Variants in GRIN2A observed in about 807,000 individuals in gnomAD.
GRIN2A encodes the protein glutamate ionotropic receptor NMDA type subunit 2A, also known as glutamate receptor ionotropic, NMDA 2A.
A neutral mutation model predicts 113.4 loss-of-function variants in GRIN2A; 22 were observed. The ratio of observed to expected loss-of-function variants is 0.19; its 90% CI spans 0.14 to 0.28. The LOEUF (loss-of-function observed/expected upper bound fraction) is 0.28, where lower values mean the gene tolerates loss of function less well. Among genes scored for constraint, GRIN2A ranks in the 10% least tolerant of loss-of-function variants. The pLI is 1.00. For synonymous variants in GRIN2A, 827 were observed against 738.4 expected (o/e 1.12, Z -1.94); for missense variants, 1,502 against 1,887.0 (o/e 0.80, Z 3.78).
At chr16:9,970,964 GA>G (rs1208304579) in intron 2 of GRIN2A, 1 of 152,332 alleles carries the variant, frequency 6.6e-6, no homozygotes, top group Non-Finnish European at 1.5e-5. Flanking sequence ...CCTTTCTGGA[GA>G]AGACAAAGAG....
At chr16:9,866,387 T>C (rs2043160742) in intron 4 of GRIN2A, among the ~76,000 whole-genome samples, 1 of 152,030 alleles carries the variant, frequency 6.6e-6, no homozygotes, top group Non-Finnish European at 1.5e-5. Context: ...GAAGCTGAGT[T>C]TTAATGACAT....
chr16:10,030,858 T>A (rs2141924212), intron 2 of GRIN2A, among the ~76,000 whole-genome samples: 1 of 152,324 alleles, frequency 6.6e-6, no homozygotes, highest in South Asian at 2.1e-4. Context: ...AAAATTGCTG[T>A]CAAAGTGCCC....
At chr16:10,119,910 G>A (rs1373599303) in intron 2 of GRIN2A, among the ~76,000 whole-genome samples, 2 of 152,166 alleles carry the variant, frequency 1.3e-5, no homozygotes. Context: ...CAAAGTACAT[G>A]AGTTCATTCT....
At chr16:9,992,530 G>T (rs2046138620) in intron 2 of GRIN2A, among the ~76,000 whole-genome samples, 1 of 152,214 alleles carries the variant, frequency 6.6e-6, no homozygotes, top group Non-Finnish European at 1.5e-5. Context: ...GGTGTCCGTG[G>T]TGAAAATAAC....
intron 2 of GRIN2A, among the ~76,000 whole-genome samples, chr16:10,165,759 GGAGGGGAGAGGA>G: frequency 2.3e-5 from 1 of 43,882 alleles, no homozygotes; most frequent in Non-Finnish European, 4.6e-5. Flanking sequence ...AGAAAGGAGG[GGAGGGGAGAGGA>G]GAAGAGAAGA....
In GRIN2A at chr16:10,018,476, G is replaced by A. The variant is rs1260490008; in HGVS notation, c.415-79925C>T. Among the ~76,000 whole-genome samples, 6 of 152,178 alleles carry A rather than the reference G, an allele frequency of 3.9e-5. No homozygotes were observed. The South Asian group carries it at 6.2e-4, about 16-fold the overall frequency. ...CGTGAAAGGGGAGTCCAGCAGCTGC[G>A]TGCTAAGGGGGTGTGGCTCTCAGCT... On this transcript the variant is annotated intron_variant, in intron 2 of 12. Coordinates refer to ENST00000330684, the MANE Select transcript of GRIN2A (RefSeq NM_001134407.3).
rs34897635 is a variant in GRIN2A, at chr16:9,984,229, A to ATT, written c.415-45680_415-45679dup. On this transcript the variant is annotated intron_variant, in intron 2 of 12. Coordinates refer to ENST00000330684, the MANE Select transcript of GRIN2A (RefSeq NM_001134407.3). ...AACTCATTTGCCCATTTTTAATCGG[A>ATT]TTTTTTTTTTGCTGTTGAGTTCCTT... Among the ~76,000 whole-genome samples, 158 of 149,676 alleles carry ATT rather than the reference A, an allele frequency of 1.1e-3. 2 individuals carry two copies. The highest frequency in any genetic ancestry group is 1.8e-3 in the Non-Finnish European group (118 of 67,404).
chr16:10,055,082 A>AAAAAAAAG (rs2047429213), intron 2 of GRIN2A, among the ~76,000 whole-genome samples: 1 of 79,080 alleles, frequency 1.3e-5, no homozygotes, highest in Non-Finnish European at 2.3e-5. Context: ...AAAAAAAAAA[A>AAAAAAAAG]AAAGAAAAAA....
intron 2 of GRIN2A, among the ~76,000 whole-genome samples, chr16:10,097,290 A>C (rs2048313046): frequency 6.6e-6 from 1 of 152,252 alleles, no homozygotes; most frequent in South Asian, 2.1e-4. Context: ...AAATGTGCTT[A>C]AATTAAAATG....
At chr16:10,024,835 G>C (rs751360148) in intron 2 of GRIN2A, among the ~76,000 whole-genome samples, 6 of 152,222 alleles carry the variant, frequency 3.9e-5, no homozygotes, top group Admixed American at 1.3e-4. Context: ...TGGCATGAGA[G>C]ACCACAAGTA....
chr16:10,007,155 G>A lies in GRIN2A; in HGVS notation c.415-68604C>T, dbSNP rs144525954. Among the ~76,000 whole-genome samples, 241 of 152,296 alleles carry A rather than the reference G, an allele frequency of 1.6e-3. 3 individuals carry two copies. Among genetic ancestry groups the A allele is most frequent in the African/African-American group, 5.4e-3 (226 of 41,554 alleles). ...CTTCTTTGGGTATATAGTTGACAGC[G>A]GAATTGCTGGATCATATGGTAGTTC... On this transcript the variant is annotated intron_variant, in intron 2 of 12. Transcript: ENST00000330684.
chr16:10,152,578 C>G (rs1159721161), intron 2 of GRIN2A, among the ~76,000 whole-genome samples: 2 of 152,170 alleles, frequency 1.3e-5, no homozygotes, highest in Admixed American at 6.5e-5. Context: ...TTTTCTCTAG[C>G]TTGATCACCC....
chr16:10,055,076 AAAAAAAAAAG>A lies in GRIN2A; in HGVS notation c.415-116535_415-116526del, dbSNP rs2047428158. ...AAAAAAAAAAAAAAAAAAAAAAAAAAAAAAAAAAAGAAAAAAGAAAGAAAGAAAGAAAAAA... is the reference window on the plus strand; with the variant it reads ...AAAAAAAAAAAAAAAAAAAAAAAAAAAAAAAAGAAAGAAAGAAAGAAAAAA... On this transcript the variant is annotated intron_variant, in intron 2 of 12. Transcript: ENST00000330684. Among the ~76,000 whole-genome samples, 4 of 80,152 alleles carry A rather than the reference AAAAAAAAAAG, an allele frequency of 5.0e-5. 1 individual carries two copies. The highest frequency in any genetic ancestry group is 1.9e-4 in the African/African-American group (3 of 15,958). The allele number at this position is 80,152 out of a possible 152,430, so 52.6% of individuals were successfully genotyped here.
chr16:9,807,435 GACA>G, intron 10 of GRIN2A, among the ~76,000 whole-genome samples: 1 of 68,202 alleles, frequency 1.5e-5, no homozygotes, highest in Non-Finnish European at 3.2e-5. Context: ...GAGAAAGAGA[GACA>G]GAGACAGAGA....
intron 3 of GRIN2A, among the ~76,000 whole-genome samples, chr16:9,920,168 A>G (rs2044331788): frequency 6.6e-6 from 1 of 152,200 alleles, no homozygotes; most frequent in Non-Finnish European, 1.5e-5. Flanking sequence ...GGTCTCACCC[A>G]TAGCAAGTGC....
chr16:9,856,493 T>C (rs2042970855), intron 4 of GRIN2A, among the ~76,000 whole-genome samples: 1 of 151,542 alleles, frequency 6.6e-6, no homozygotes, highest in Non-Finnish European at 1.5e-5. Flanking sequence ...GGCATGGTGG[T>C]AGGCTCCTGT....
At chr16:10,111,125 T>C (rs976184376) in intron 2 of GRIN2A, among the ~76,000 whole-genome samples, 4 of 152,240 alleles carry the variant, frequency 2.6e-5, no homozygotes, top group African/African-American at 9.6e-5. Flanking sequence ...TTCAATTCCA[T>C]TTCTAAAAGG....
chr16:9,877,450 T>C (rs1342113481), intron 4 of GRIN2A, among the ~76,000 whole-genome samples: 1 of 152,136 alleles, frequency 6.6e-6, no homozygotes, highest in African/African-American at 2.4e-5. Flanking sequence ...CAGTTGAAGG[T>C]GGGTCTTACC....
chr16:9,920,008 C>G (rs2044328362), intron 3 of GRIN2A, among the ~76,000 whole-genome samples: 1 of 152,254 alleles, frequency 6.6e-6, no homozygotes, highest in South Asian at 2.1e-4. Context: ...CCTTTACTCT[C>G]TGCTCCGTTT....
Sources: gnomAD v4.1 joint callset for allele counts (sites outside exome capture counted in the v4.1 genomes callset) on GRCh38, gnomAD v4.1.1 for gene constraint, MANE v1.5 for transcripts, NCBI Gene and HGNC (gene_info 2026-07-23, HGNC 2026-07-21) for gene names.